The following PTPN12 variants were observed in gnomAD, a reference collection of about 807,000 sequenced individuals.
The protein encoded by PTPN12 is tyrosine-protein phosphatase non-receptor type 12.
PTPN12 carries 29 observed loss-of-function variants against 97.6 expected under a neutral mutation model. The observed-to-expected ratio is 0.30, with a 90% CI of 0.22 to 0.41. The LOEUF is 0.41. PTPN12 is among the 10% of genes least tolerant of loss of function. PTPN12 has a pLI of 1.00. For missense variants in PTPN12, 819 were observed against 926.0 expected, an observed-to-expected ratio of 0.88 and a Z score of 1.50; for synonymous variants, 327 against 300.4, an observed-to-expected ratio of 1.09 and a Z score of -0.91.
chr7:77,561,854 C>G (rs1171252712), intron 1 of PTPN12, among the ~76,000 whole-genome samples: 1 of 151,842 alleles, frequency 6.6e-6, no homozygotes, highest in Non-Finnish European at 1.5e-5. Context: ...TGCAGTGGCA[C>G]GATCTCGGCT....
intron 6 of PTPN12, 92 bp downstream of exon 6, chr7:77,592,348 T>TA: frequency 1.8e-6 from 2 of 1,096,964 alleles, no homozygotes; most frequent in Non-Finnish European, 2.6e-6. Context: ...AACCCAGGCT[T>TA]ATAGACGCCA....
In PTPN12 at chr7:77,632,519, ATAAT is replaced by A; in HGVS notation, c.2074+98_2074+101del. On this transcript the variant is annotated intron_variant, in intron 14 of 17. Transcript: ENST00000248594. ...TTTAATCTATTAGCTATTGTGCTAC[ATAAT>A]TAAATTCAAAAACAAGTAAATTGAT... The A allele has an allele frequency of 7.8e-6, 7 of 898,882 alleles. No individual in the cohort carries two copies. In the South Asian group the frequency reaches 9.5e-5, roughly 12 times the overall value. The allele number at this position is 898,882 out of a possible 1,614,324, so 55.7% of individuals were successfully genotyped here.
At chr7:77,636,113 T>TA (rs1357089619) in intron 15 of PTPN12, among the ~76,000 whole-genome samples, 2 of 152,160 alleles carry the variant, frequency 1.3e-5, no homozygotes, top group African/African-American at 4.8e-5. Context: ...ATATGTAAAT[T>TA]ATGCTTCAAA....
chr7:77,576,778 C>T (rs1342558435), intron 2 of PTPN12, among the ~76,000 whole-genome samples: 3 of 152,196 alleles, frequency 2.0e-5, no homozygotes, highest in Admixed American at 6.5e-5. Flanking sequence ...GGCGCTTTGC[C>T]GGGTGTTAAT....
At chr7:77,556,020 G>A (rs1001551650) in intron 1 of PTPN12, among the ~76,000 whole-genome samples, 4 of 152,082 alleles carry the variant, frequency 2.6e-5, no homozygotes, top group Non-Finnish European at 5.9e-5. Context: ...TACTTTATCT[G>A]TTAGAGTTCT....
chr7:77,576,308 G>T (rs1354023606), intron 2 of PTPN12, among the ~76,000 whole-genome samples: 1 of 152,160 alleles, frequency 6.6e-6, no homozygotes, highest in Admixed American at 6.5e-5. Flanking sequence ...TGGACCTATG[G>T]TTTTGTTTCT....
chr7:77,565,357 T>C (rs1159424048), intron 1 of PTPN12, among the ~76,000 whole-genome samples: 1 of 152,246 alleles, frequency 6.6e-6, no homozygotes, highest in Non-Finnish European at 1.5e-5. Flanking sequence ...CAATTAGCTA[T>C]ATTTTTGCTA....
intron 6 of PTPN12, 35 bp downstream of exon 6, chr7:77,592,291 A>G: frequency 6.6e-7 from 1 of 1,517,380 alleles, no homozygotes; most frequent in Non-Finnish European, 9.1e-7. Flanking sequence ...TTTTTTCAGA[A>G]AATTGGCATG....
At chr7:77,607,373 T>C in intron 9 of PTPN12, 72 bp downstream of exon 9, 1 of 1,057,504 alleles carries the variant, frequency 9.5e-7, no homozygotes. Context: ...ATAATTGCAG[T>C]AAATTATAGT....
At position 77,633,138 on chromosome 7, in the gene PTPN12, C is replaced by T. The variant is rs542709575; in HGVS notation, c.2074+713C>T. On this transcript the variant is annotated intron_variant, in intron 14 of 17. Transcript: ENST00000248594. ...ATACAAAATTAGCCAGGCGTGGTGG[C>T]GCATGCCTGTAATCCCACCTACTTG... Among the ~76,000 whole-genome samples, 13 of 151,880 alleles carry T rather than the reference C, an allele frequency of 8.6e-5. No individual in the cohort carries two copies. The South Asian group carries it at 1.9e-3, about 22-fold the overall frequency.
At chr7:77,564,237 CAGTGTTACTTTGAGATAGTAT>C in intron 1 of PTPN12, 1 of 157,898 alleles carries the variant, frequency 6.3e-6, no homozygotes, top group Middle Eastern at 3.1e-3. Flanking sequence ...AGTGATAATA[CAGTGTTACTTTGAGATAGTAT>C]AGTGTTACTT....
Position 77,581,365 on chromosome 7 carries a change from A to G in PTPN12, c.209-62A>G, listed in dbSNP as rs1227687579. 8.1e-6 allele frequency: 9 copies of G among 1,117,522 alleles called. No individual in the cohort carries two copies. The East Asian group carries it at 2.2e-4, about 28-fold the overall frequency. 69.2% of individuals were successfully genotyped at this position (1,117,522 alleles called of 1,614,324 possible). Reference sequence around the variant, plus strand: ...TTAAGCTGTCTATTTAACCTTACTTACGCTTCATTAGAAAATACCTGTGTG... The same window carrying G: ...TTAAGCTGTCTATTTAACCTTACTTGCGCTTCATTAGAAAATACCTGTGTG... On this transcript the variant is annotated intron_variant, in intron 2 of 17. Coordinates refer to ENST00000248594, the MANE Select transcript of PTPN12 (RefSeq NM_002835.4).
chr7:77,556,585 C>T (rs543930604), intron 1 of PTPN12, among the ~76,000 whole-genome samples: 75 of 152,230 alleles, frequency 4.9e-4, no homozygotes, highest in African/African-American at 1.7e-3. Context: ...CACAGTGGCT[C>T]ACACCTGTAA....
rs1218277462 is a variant in PTPN12 at position 77,627,157 on chromosome 7, A to T, written c.1478A>T (p.Asn493Ile). 1.9e-6 allele frequency: 3 copies of T among 1,614,044 alleles called. No homozygotes were observed. Among genetic ancestry groups the T allele is most frequent in the African/African-American group, 2.7e-5 (2 of 74,920 alleles). ...SDLNVGDTSQ[N>I]SCVDCSVTQS... is the part of the protein sequence containing the mutation. The stretch of plus-strand genomic sequence containing the variant: ...CTAAATGTCGGTGATACTTCCCAGA[A>T]TTCTTGTGTGGACTGCAGTGTAACA... The change falls in exon 13 of 18, where the codon AAT becomes ATT. Residue 493 changes from asparagine (N) to isoleucine (I), a missense_variant. Asn to Ile is a moderately radical substitution (Grantham distance 149, BLOSUM62 -3). Around this residue, in one of 5 missense-constraint regions of PTPN12, gnomAD observed 607 missense variants for 577.3 expected, o/e 1.05. Transcript: ENST00000248594.
intron 1 of PTPN12, among the ~76,000 whole-genome samples, chr7:77,539,271 G>A (rs1016746870): frequency 1.3e-5 from 2 of 152,064 alleles, no homozygotes; most frequent in African/African-American, 4.8e-5. Context: ...AATAGAGGAC[G>A]GAAGTAAAGT....
chr7:77,638,871 T>A, intron 17 of PTPN12, 140 bp downstream of exon 17: 1 of 1,295,624 alleles, frequency 7.7e-7, no homozygotes, highest in South Asian at 2.0e-5. Flanking sequence ...ATGAAATAAA[T>A]GAAATACTTA....
At chr7:77,605,945 CTTTTT>C (rs10648385) in intron 8 of PTPN12, among the ~76,000 whole-genome samples, 4 of 51,896 alleles carry the variant, frequency 7.7e-5, no homozygotes, top group Admixed American at 3.3e-4. Context: ...CAAGAGCCAT[CTTTTT>C]TTTTTTTTTT....
At chr7:77,554,708 CTCTG>C (rs1179846002) in intron 1 of PTPN12, among the ~76,000 whole-genome samples, 1 of 152,174 alleles carries the variant, frequency 6.6e-6, no homozygotes, top group Non-Finnish European at 1.5e-5. Flanking sequence ...CAGGGTCTTG[CTCTG>C]TCTGTCATCC....
chr7:77,549,419 C>T (rs1490605931), intron 1 of PTPN12, among the ~76,000 whole-genome samples: 2 of 152,134 alleles, frequency 1.3e-5, no homozygotes, highest in African/African-American at 4.8e-5. Flanking sequence ...AGACATTAAA[C>T]ATCAGGCAAA....
Sources: allele counts gnomAD v4.1 joint callset (sites outside exome capture counted in the v4.1 genomes callset), GRCh38; gene constraint gnomAD v4.1.1; regional missense constraint gnomAD v4.1.1; transcripts MANE v1.5; gene names NCBI Gene and HGNC (gene_info 2026-07-23, HGNC 2026-07-21).